Variants in MAF observed in about 807,000 individuals in gnomAD.
MAF encodes the protein MAF bZIP transcription factor, also known as transcription factor Maf.
A neutral mutation model predicts 22.0 loss-of-function variants in MAF; 10 were observed. The observed-to-expected ratio is 0.45, with a 90% CI of 0.28 to 0.77. MAF has a LOEUF of 0.77. MAF is among the 30% of genes least tolerant of loss of function. MAF has a pLI of 0.12. For synonymous variants in MAF, 337 were observed against 255.8 expected, an observed-to-expected ratio of 1.32 and a Z score of -3.03; for missense variants, 544 against 548.4, an observed-to-expected ratio of 0.99 and a Z score of 0.08.
chr16:79,547,010 TG>T, the MAF span, among the ~76,000 whole-genome samples: 1 of 152,190 alleles, frequency 6.6e-6, no homozygotes, highest in Admixed American at 6.5e-5. Flanking sequence ...AATTCACCTC[TG>T]TGTTGGTAAG....
At chr16:79,306,406 T>C in the MAF span, among the ~76,000 whole-genome samples, 1 of 152,146 alleles carries the variant, frequency 6.6e-6, no homozygotes, top group African/African-American at 2.4e-5. Flanking sequence ...GCCTACAATA[T>C]GTAAGGTTTA....
the MAF span, among the ~76,000 whole-genome samples, chr16:79,292,650 G>C: frequency 6.6e-6 from 1 of 152,064 alleles, no homozygotes; most frequent in Non-Finnish European, 1.5e-5. Context: ...AGACCTATGG[G>C]GCTGCATTCC....
the MAF span, among the ~76,000 whole-genome samples, chr16:79,479,614 G>A: frequency 3.1e-4 from 47 of 152,314 alleles, no homozygotes; most frequent in Middle Eastern, 6.8e-3. Context: ...CAACTTGCCT[G>A]TATCTGAAGG....
At chr16:79,258,953 T>C in the MAF span, among the ~76,000 whole-genome samples, 1 of 152,084 alleles carries the variant, frequency 6.6e-6, no homozygotes, top group South Asian at 2.1e-4. Context: ...CCTCCATTTA[T>C]TGGAGGGTCC....
chr16:79,211,529 T>A, the MAF span: 14 of 1,592,730 alleles, frequency 8.8e-6, no homozygotes, highest in Non-Finnish European at 1.2e-5. Flanking sequence ...GGCCTGCTAA[T>A]GCCCAGGCAG....
At chr16:79,276,396 G>T in the MAF span, among the ~76,000 whole-genome samples, 275 of 152,248 alleles carry the variant, frequency 1.8e-3, no homozygotes, top group Middle Eastern at 3.4e-3. Context: ...TTTACCCAGC[G>T]TTCTGTGGCC....
chr16:79,278,711 G>A, the MAF span, among the ~76,000 whole-genome samples: 1 of 152,034 alleles, frequency 6.6e-6, no homozygotes, highest in South Asian at 2.1e-4. Flanking sequence ...CCTTGCTCTC[G>A]GTGTGATTTG....
the MAF span, among the ~76,000 whole-genome samples, chr16:79,290,801 C>G: frequency 4.6e-5 from 7 of 151,994 alleles, no homozygotes; most frequent in African/African-American, 1.5e-4. Flanking sequence ...AAATTGTTGA[C>G]CTTGAATCAA....
the MAF span, among the ~76,000 whole-genome samples, chr16:79,215,963 C>T: frequency 6.6e-6 from 1 of 152,216 alleles, no homozygotes; most frequent in Admixed American, 6.5e-5. Flanking sequence ...CTGTCAGTCC[C>T]CATGGGCCAT....
the MAF span, among the ~76,000 whole-genome samples, chr16:79,237,117 T>C: frequency 6.6e-6 from 1 of 152,024 alleles, no homozygotes; most frequent in African/African-American, 2.4e-5. Context: ...TTTTCAAAGA[T>C]TTCCAAATAA....
the MAF span, among the ~76,000 whole-genome samples, chr16:79,281,883 A>G: frequency 6.6e-6 from 1 of 152,168 alleles, no homozygotes; most frequent in South Asian, 2.1e-4. Flanking sequence ...TATTAATTGT[A>G]GAACCCTGCA....
At chr16:79,516,786 A>G in the MAF span, among the ~76,000 whole-genome samples, 1 of 152,196 alleles carries the variant, frequency 6.6e-6, no homozygotes, top group East Asian at 1.9e-4. Flanking sequence ...GGAGCTCTAG[A>G]GGTTCCATGG....
At chr16:79,477,451 G>A in the MAF span, among the ~76,000 whole-genome samples, 1 of 152,146 alleles carries the variant, frequency 6.6e-6, no homozygotes, top group East Asian at 1.9e-4. Flanking sequence ...AACATCATTT[G>A]CCTCATATTC....
the MAF span, among the ~76,000 whole-genome samples, chr16:79,242,296 T>G: frequency 1.3e-5 from 2 of 150,202 alleles, no homozygotes; most frequent in African/African-American, 4.9e-5. Context: ...AGGAGACCCA[T>G]CTCATGTGCA....
chr16:79,477,981 C>CA, the MAF span, among the ~76,000 whole-genome samples: 58,424 of 151,934 alleles, frequency 0.38, 12,131 homozygotes, highest in Middle Eastern at 0.49. Flanking sequence ...CTCAGCCTCC[C>CA]AACGGCTGGG....
At chr16:79,261,451 C>T in the MAF span, among the ~76,000 whole-genome samples, 1 of 152,234 alleles carries the variant, frequency 6.6e-6, no homozygotes, top group African/African-American at 2.4e-5. Flanking sequence ...CCACGCCTGG[C>T]TGGTCTTCTT....
At chr16:79,465,350 T>G in the MAF span, among the ~76,000 whole-genome samples, 129 of 152,274 alleles carry the variant, frequency 8.5e-4, no homozygotes, top group Non-Finnish European at 1.5e-3. Flanking sequence ...CCCAGCACTT[T>G]GGGAGGCTGA....
chr16:79,230,935 C>T, the MAF span, among the ~76,000 whole-genome samples: 15 of 152,090 alleles, frequency 9.9e-5, 1 homozygote, highest in Admixed American at 5.2e-4. Context: ...GCTAATATTT[C>T]TCTGCCCAAA....
chr16:79,289,407 G>A, the MAF span, among the ~76,000 whole-genome samples: 1 of 152,130 alleles, frequency 6.6e-6, no homozygotes, highest in African/African-American at 2.4e-5. Context: ...AATTGTGAAG[G>A]GGGACACCTA....
Sources: allele counts gnomAD v4.1 joint callset (sites outside exome capture counted in the v4.1 genomes callset), GRCh38; gene constraint gnomAD v4.1.1; transcripts MANE v1.5; gene names NCBI Gene and HGNC (gene_info 2026-07-23, HGNC 2026-07-21).